The following SMG1 variants were observed in gnomAD, a reference collection of about 807,000 sequenced individuals.
SMG1 encodes serine/threonine-protein kinase SMG1.
A neutral mutation model predicts 419.9 loss-of-function variants in SMG1; 22 were observed. That is an observed-to-expected ratio of 0.05 (90% confidence interval 0.04 to 0.07). The LOEUF (loss-of-function observed/expected upper bound fraction) is 0.07. Among genes scored for constraint, SMG1 ranks in the 10% least tolerant of loss-of-function variants. The pLI, the probability that SMG1 is intolerant of heterozygous loss-of-function variation, is 1.00. For synonymous variants in SMG1, 1,538 were observed against 1,553.5 expected (o/e 0.99, Z 0.23); for missense variants, 3,185 against 4,342.0 (o/e 0.73, Z 7.49).
intron 55 of SMG1, among the ~76,000 whole-genome samples, 172 bp downstream of exon 55, chr16:18,827,859 T>TAC (rs1478488009): frequency 1.8e-5 from 1 of 54,902 alleles, no homozygotes; most frequent in East Asian, 3.2e-4. Context: ...TATATACCTA[T>TAC]ATATATATAT....
intron 62 of SMG1, 37 bp from the exon 63 acceptor site, chr16:18,809,683 A>G (rs768473148): frequency 1.3e-6 from 2 of 1,488,514 alleles, no homozygotes; most frequent in East Asian, 2.4e-5. Flanking sequence ...AAAGTCATTT[A>G]AAGCTTTTCA....
chr16:18,816,392 A>T lies in SMG1; in HGVS notation c.10212T>A (p.Ile3404=), dbSNP rs751732794. 6.2e-7 allele frequency: 1 copy of T among 1,613,944 alleles called. No individual in the cohort carries two copies. Among genetic ancestry groups the T allele is most frequent in the African/African-American group, 1.3e-5 (1 of 75,038 alleles). Reference sequence around the variant, plus strand: ...TCTTTATATTATCAACCAGATTCTGAATTGTTTCACAGACCGTTTCTATCT... The same window carrying T: ...TCTTTATATTATCAACCAGATTCTGTATTGTTTCACAGACCGTTTCTATCT... ...EQQIETVCET[I]QNLVDNIKTV... Residue 3404 remains isoleucine (I), a synonymous_variant, in exon 58 of 63, where the codon ATT becomes ATA. Coordinates refer to ENST00000446231, the MANE Select transcript of SMG1 (RefSeq NM_015092.5).
chr16:18,875,806 T>C (rs1027146246), intron 13 of SMG1: 57 of 407,276 alleles, frequency 1.4e-4, no homozygotes, highest in Admixed American at 1.7e-4. Context: ...CTACACAAAT[T>C]TGAGCTGTAA....
chr16:18,917,095 G>A (rs961294201), intron 1 of SMG1, among the ~76,000 whole-genome samples: 2 of 151,974 alleles, frequency 1.3e-5, no homozygotes, highest in Non-Finnish European at 2.9e-5. Context: ...AGGGGCTTTT[G>A]CTTATGGAAA....
intron 60 of SMG1, among the ~76,000 whole-genome samples, chr16:18,814,112 A>G (rs1329583151): frequency 2.0e-5 from 3 of 150,696 alleles, no homozygotes; most frequent in Admixed American, 6.6e-5. Context: ...ATAAAAATAA[A>G]TTGGCCATTA....
intron 3 of SMG1, among the ~76,000 whole-genome samples, chr16:18,894,594 T>C (rs1468641358): frequency 6.8e-6 from 1 of 147,262 alleles, no homozygotes; most frequent in Admixed American, 6.9e-5. Flanking sequence ...TAAAAAGAAA[T>C]CAGTTTTTTA....
Position 18,821,506 on chromosome 16 carries a change from T to C in SMG1, c.9742-1852A>G, listed in dbSNP as rs938126380. 3.8e-4 allele frequency among the ~76,000 whole-genome samples: 4 copies of C among 10,414 alleles called. No individual in the cohort carries two copies. In the South Asian group the frequency reaches 0.01, roughly 27 times the overall value. The allele number at this position is 10,414 out of a possible 152,430, so 6.8% of individuals were successfully genotyped here. A position where few individuals can be genotyped will look rare whatever the true frequency, so the allele number is the denominator to read the frequency against. On this transcript the variant is annotated intron_variant, in intron 55 of 62. Transcript: ENST00000446231. ...ACCTATGAGTGAGAATATGCGGTGT[T>C]TGGTTTTTTGTTCTTGCGATAGTTT...
intron 46 of SMG1, among the ~76,000 whole-genome samples, chr16:18,836,782 C>T (rs1357541993): frequency 6.6e-6 from 1 of 152,186 alleles, no homozygotes; most frequent in African/African-American, 2.4e-5. Context: ...GAGACTGATG[C>T]TTGACAGATC....
At chr16:18,836,258 C>A in intron 47 of SMG1, 46 bp from the exon 48 acceptor site, 1 of 1,594,926 alleles carries the variant, frequency 6.3e-7, no homozygotes, top group South Asian at 1.1e-5. Context: ...AGGGTCAAGT[C>A]AGCTGTCACT....
chr16:18,815,150 T>C (rs2031882160), intron 60 of SMG1, 25 bp downstream of exon 60: 1 of 1,440,180 alleles, frequency 6.9e-7, no homozygotes, highest in African/African-American at 1.4e-5. Flanking sequence ...TAACAACAGA[T>C]CAAGACTCAG....
chr16:18,915,497 T>C (rs1414946391), intron 1 of SMG1, among the ~76,000 whole-genome samples: 1 of 152,122 alleles, frequency 6.6e-6, no homozygotes, highest in Non-Finnish European at 1.5e-5. Flanking sequence ...TTTTCATGTA[T>C]TTACTTGAGG....
In SMG1 at chr16:18,896,816, G is replaced by T. The variant is rs1160451179; in HGVS notation, c.233C>A (p.Ala78Asp). The change falls in exon 2 of 63, where the codon GCT (alanine) becomes GAT (aspartate). Residue 78 changes from alanine to aspartate, a missense_variant. Physicochemically the swap from Ala to Asp is moderately radical, Grantham distance 126 (BLOSUM62 -2). Around this residue, in one of 27 missense-constraint regions of SMG1, gnomAD observed 42 missense variants for 100.1 expected, o/e 0.42. Coordinates refer to ENST00000446231, the MANE Select transcript of SMG1 (RefSeq NM_015092.5). ...ACCCTTTTCGTCATTCTGTATGTCA[G>T]CGTGGACTCTGGTATCATCGTGCCT... ...RQRHDDTRVHADIQNDEKGGY... is the reference protein window; with the variant it reads ...RQRHDDTRVHDDIQNDEKGGY... 1.2e-6 allele frequency: 2 copies of T among 1,608,216 alleles called. No homozygotes were observed. The highest frequency in any genetic ancestry group is 1.7e-6 in the Non-Finnish European group (2 of 1,177,328).
chr16:18,851,929 T>C, intron 33 of SMG1, 138 bp downstream of exon 33: 1 of 903,472 alleles, frequency 1.1e-6, no homozygotes. Context: ...CTCACTTTCA[T>C]CTTAAAATGC....
At chr16:18,868,108 A>G (rs2141566964) in intron 22 of SMG1, 82 bp downstream of exon 22, 1 of 1,068,070 alleles carries the variant, frequency 9.4e-7, no homozygotes, top group South Asian at 1.4e-5. Flanking sequence ...TATTTTATCC[A>G]TAGATTAAAT....
At chr16:18,886,801 CA>C (rs554159486) in intron 6 of SMG1, among the ~76,000 whole-genome samples, 1 of 148,698 alleles carries the variant, frequency 6.7e-6, no homozygotes, top group Non-Finnish European at 1.5e-5. Flanking sequence ...GATTATGTCT[CA>C]AAAAAAAAGA....
chr16:18,814,625 A>C (rs1007283159), intron 60 of SMG1, among the ~76,000 whole-genome samples: 1 of 151,402 alleles, frequency 6.6e-6, no homozygotes, highest in Non-Finnish European at 1.5e-5. Context: ...CCCAGCCTGG[A>C]GTGCAGTGGC....
chr16:18,837,385 C>G lies in SMG1; in HGVS notation c.7472G>C (p.Ser2491Thr). The G allele has an allele frequency of 6.2e-7, 1 of 1,613,976 alleles. No homozygotes were observed. Among genetic ancestry groups the G allele is most frequent in the Non-Finnish European group, 8.5e-7 (1 of 1,179,878 alleles). The change falls in exon 46 of 63, where the codon AGC becomes ACC. Residue 2491 changes from serine to threonine, a missense_variant. By Grantham distance (58) the Ser-to-Thr change is moderately conservative (BLOSUM62 1). This residue lies in a region of SMG1 where 412 missense variants were observed against 546.6 expected (regional missense o/e 0.75). Coordinates refer to ENST00000446231, the MANE Select transcript of SMG1 (RefSeq NM_015092.5). ...TTGCAAGCTTAGGTATTCATCTAAG[C>G]TACCGTCCAACTTGGGAAGCACAAC... ...MLVVLPKLDGSLDEYLSLQEQ... is the reference protein window; with the variant it reads ...MLVVLPKLDGTLDEYLSLQEQ...
Position 18,892,333 on chromosome 16 carries a change from T to A in SMG1, c.434A>T (p.Asp145Val). 6.5e-7 allele frequency: 1 copy of A among 1,549,650 alleles called. No homozygotes were observed. The highest frequency in any genetic ancestry group is 8.7e-7 in the Non-Finnish European group (1 of 1,146,604). ...AAGAAGATTCGACAGTCGAGACTCA[T>A]CAGAATAAGACATCGATCTCTCTGT... ...KSQERSMSYS[D>V]ESRLSNLLRR... is the part of the protein sequence containing the mutation. Residue 145 changes from aspartate to valine, a missense_variant, in exon 4 of 63, where the codon GAT (aspartate) becomes GTT (valine). By Grantham distance (152) the Asp-to-Val change is radical. Transcript: ENST00000446231.
intron 26 of SMG1, among the ~76,000 whole-genome samples, chr16:18,860,142 C>CA (rs1280129173): frequency 3.9e-5 from 6 of 152,178 alleles, no homozygotes; most frequent in African/African-American, 1.4e-4. Flanking sequence ...CACTTGAACT[C>CA]AGAGGGCAGA....
Sources: allele counts gnomAD v4.1 joint callset (sites outside exome capture counted in the v4.1 genomes callset), GRCh38; gene constraint gnomAD v4.1.1; regional missense constraint gnomAD v4.1.1; transcripts MANE v1.5; gene names NCBI Gene and HGNC (gene_info 2026-07-23, HGNC 2026-07-21).